SMG7: variants seen among roughly 807,000 people sequenced by gnomAD.
SMG7 encodes the protein SMG7 nonsense mediated mRNA decay factor.
SMG7 carries 34 observed loss-of-function variants against 148.2 expected under a neutral mutation model. The observed-to-expected ratio is 0.23, with a 90% CI of 0.17 to 0.31. SMG7 has a LOEUF of 0.31. Ranked by LOEUF, SMG7 falls within the 10% of genes least tolerant of loss-of-function variation. SMG7 has a pLI of 1.00. For synonymous variants in SMG7, 492 were observed against 515.1 expected (o/e 0.96, Z 0.61); for missense variants, 1,114 against 1,408.4 (o/e 0.79, Z 3.35).
chr1:183,547,315 A>C, intron 18 of SMG7, 63 bp downstream of exon 18: 1 of 1,387,120 alleles, frequency 7.2e-7, no homozygotes. Flanking sequence ...GAGATACTGT[A>C]GTACACAGAT....
chr1:183,536,960 G>C (rs146308528), intron 10 of SMG7, among the ~76,000 whole-genome samples, 185 bp from the exon 11 acceptor site: 1 of 151,944 alleles, frequency 6.6e-6, no homozygotes, highest in Non-Finnish European at 1.5e-5. Context: ...CCCTTTTGTT[G>C]TATCTTTATC....
chr1:183,550,532 A>T (rs1670819552), intron 20 of SMG7, among the ~76,000 whole-genome samples: 1 of 152,162 alleles, frequency 6.6e-6, no homozygotes, highest in South Asian at 2.1e-4. Flanking sequence ...CTACTATTTT[A>T]TTTTGCTTTT....
At chr1:183,474,836 C>G (rs977641211) in intron 1 of SMG7, among the ~76,000 whole-genome samples, 2 of 152,086 alleles carry the variant, frequency 1.3e-5, no homozygotes, top group Non-Finnish European at 2.9e-5. Flanking sequence ...TATTGTTCAT[C>G]CTTAATGTTC....
At chr1:183,511,811 T>TA (rs1416850842) in intron 1 of SMG7, among the ~76,000 whole-genome samples, 1 of 151,956 alleles carries the variant, frequency 6.6e-6, no homozygotes, top group Non-Finnish European at 1.5e-5. Flanking sequence ...GAAGAAGAAA[T>TA]AAAGAGAAAT....
In SMG7 at chr1:183,553,006, G is replaced by A. The variant is rs1229559489; in HGVS notation, c.*1075G>A. 2.6e-6 allele frequency: 4 copies of A among 1,536,172 alleles called. No homozygotes were observed. The highest frequency in any genetic ancestry group is 1.4e-5 in the African/African-American group (1 of 73,052). ...AACAGCATGGGGTCCAGCAGTTGGGGCCCAAAAGACAGTCTGAAGAGGAAG... is the reference window on the plus strand; with the variant it reads ...AACAGCATGGGGTCCAGCAGTTGGGACCCAAAAGACAGTCTGAAGAGGAAG... On this transcript the variant is annotated 3_prime_UTR_variant, in exon 23 of 23. Transcript: ENST00000688051.
chr1:183,510,471 G>A (rs561676907), intron 1 of SMG7, among the ~76,000 whole-genome samples: 1 of 152,062 alleles, frequency 6.6e-6, no homozygotes, highest in South Asian at 2.1e-4. Context: ...TATGGATAAT[G>A]GAATTTGATA....
intron 19 of SMG7, 130 bp downstream of exon 19, chr1:183,549,418 T>C: frequency 1.4e-6 from 1 of 701,324 alleles, no homozygotes; most frequent in Non-Finnish European, 2.4e-6. Flanking sequence ...TATTTGATTT[T>C]ATCCCCCTTG....
In SMG7 at chr1:183,552,148, C is replaced by T. The variant is rs699245; in HGVS notation, c.*217C>T. On this transcript the variant is annotated 3_prime_UTR_variant, in exon 23 of 23. Transcript: ENST00000688051. The stretch of plus-strand genomic sequence containing the variant: ...AGGAACTCTCCGTCCCCCCGGGGCC[C>T]TCCGGAGGGAGAGAGAGAGGAACTG... 593,367 of 1,208,566 alleles carry T rather than the reference C, an allele frequency of 0.49. 147,111 individuals carry two copies. Among genetic ancestry groups the T allele is most frequent in the East Asian group, 0.65 (17,956 of 27,652 alleles). The allele number at this position is 1,208,566 out of a possible 1,614,324, so 74.9% of individuals were successfully genotyped here.
intron 1 of SMG7, among the ~76,000 whole-genome samples, chr1:183,500,581 A>G (rs1208220076): frequency 2.0e-5 from 3 of 152,188 alleles, no homozygotes; most frequent in Admixed American, 1.3e-4. Flanking sequence ...GTTTCTAGTG[A>G]AGGAAATGTG....
At chr1:183,537,078 A>T in intron 10 of SMG7, 67 bp from the exon 11 acceptor site, 2 of 1,109,242 alleles carry the variant, frequency 1.8e-6, no homozygotes, top group South Asian at 2.5e-5. Flanking sequence ...TACCATTTTC[A>T]TGGCTTATTA....
intron 1 of SMG7, among the ~76,000 whole-genome samples, chr1:183,473,302 A>C (rs937333353): frequency 3.3e-5 from 5 of 152,088 alleles, no homozygotes; most frequent in South Asian, 2.1e-4. Context: ...GTTTTTCAGA[A>C]GAAACTGGGT....
At position 183,485,384 on chromosome 1, in the gene SMG7, G is replaced by A. The variant is rs72731461; in HGVS notation, c.29+12735G>A. On this transcript the variant is annotated intron_variant, in intron 1 of 22. Transcript: ENST00000688051. ...CACTTTTTCTTTGTAGATAATAAGC[G>A]GGAAGTGGGCCGGGTAGTTTTGCCA... 8.8e-3 allele frequency among the ~76,000 whole-genome samples: 1,344 copies of A among 152,222 alleles called. 14 individuals carry two copies. Among genetic ancestry groups the A allele is most frequent in the Non-Finnish European group, 0.016 (1,086 of 67,994 alleles).
chr1:183,552,034 G>A lies in SMG7; in HGVS notation c.*103G>A, dbSNP rs1306226360. 24 of 1,401,678 alleles carry A rather than the reference G, an allele frequency of 1.7e-5. No homozygotes were observed. The African/African-American group carries it at 2.3e-4, about 14-fold the overall frequency. 86.8% of individuals were successfully genotyped at this position (1,401,678 alleles called of 1,614,324 possible). A position where few individuals can be genotyped will look rare whatever the true frequency, so the allele number is the denominator to read the frequency against. On this transcript the variant is annotated 3_prime_UTR_variant, in exon 23 of 23. Transcript: ENST00000688051. ...CCTGCAGGTGGCAGCCCTCTTTTCT[G>A]TTTCTCGCTGTCAAGAGGGTGTAAG...
chr1:183,550,688 G>A, intron 20 of SMG7, 63 bp from the exon 21 acceptor site: 3 of 1,509,566 alleles, frequency 2.0e-6, no homozygotes, highest in Non-Finnish European at 2.8e-6. Flanking sequence ...ACAGGAACCT[G>A]TAGTTCTTTG....
chr1:183,483,754 A>G (rs2102107168), intron 1 of SMG7, among the ~76,000 whole-genome samples: 1 of 152,326 alleles, frequency 6.6e-6, no homozygotes, highest in South Asian at 2.1e-4. Context: ...TTGTTTTTTG[A>G]TGAAAAAAGG....
intron 8 of SMG7, among the ~76,000 whole-genome samples, chr1:183,529,787 AAAAT>A (rs1052166443): frequency 4.6e-5 from 7 of 152,136 alleles, no homozygotes; most frequent in Admixed American, 6.6e-5. Context: ...AAAGTGGAAA[AAAAT>A]AAATAACTCC....
rs576326409 is a variant in SMG7 at position 183,512,837 on chromosome 1, G to A, written c.30G>A (p.Arg10=). The A allele has an allele frequency of 4.5e-6, 7 of 1,540,838 alleles. No individual in the cohort carries two copies. Among genetic ancestry groups the A allele is most frequent in the East Asian group, 2.3e-5 (1 of 42,956 alleles). Residue 10 remains arginine, a splice_region_variant and synonymous_variant, in exon 2 of 23, where the codon CGG becomes CGA. Coordinates refer to ENST00000688051, the MANE Select transcript of SMG7 (RefSeq NM_001375584.1). MSLQSAQYL[R]QAEVLKADMT... is the part of the protein sequence containing the mutation. ...TTTTTTTTTTTTTTTTTCTATCTAG[G>A]CAGGCAGAAGTCCTGAAGGCTGACA... is the stretch of plus-strand genomic sequence containing the variant.
intron 1 of SMG7, among the ~76,000 whole-genome samples, chr1:183,493,366 G>T (rs1293098872): frequency 2.0e-5 from 3 of 152,066 alleles, no homozygotes; most frequent in Non-Finnish European, 2.9e-5. Context: ...AATTCTAGTT[G>T]TTTATATATA....
At chr1:183,502,515 C>G in intron 1 of SMG7, 1 of 678,824 alleles carries the variant, frequency 1.5e-6, no homozygotes. Context: ...TGGCCAAGAT[C>G]GGGATGGGGC....
Sources: allele counts gnomAD v4.1 joint callset (sites outside exome capture counted in the v4.1 genomes callset), GRCh38; gene constraint gnomAD v4.1.1; transcripts MANE v1.5; gene names NCBI Gene and HGNC (gene_info 2026-07-23, HGNC 2026-07-21).